The following C4BPB variants were observed in gnomAD, a reference collection of about 807,000 sequenced individuals.
C4BPB encodes the protein complement component 4 binding protein beta, also known as C4b-binding protein beta chain.
Under a neutral mutation model 26.6 loss-of-function variants are expected in C4BPB, and 19 were observed. The ratio of observed to expected loss-of-function variants is 0.71; its 90% CI spans 0.50 to 1.05. The LOEUF is 1.05. C4BPB is among the 50% of genes least tolerant of loss of function. The pLI is 0.00. For synonymous variants in C4BPB, 118 were observed against 103.5 expected (o/e 1.14, Z -0.85); for missense variants, 282 against 302.9 (o/e 0.93, Z 0.51).
In C4BPB at chr1:207,099,876, C is replaced by A; in HGVS notation, c.706C>A (p.Leu236Ile). ...GGAAAGTGGCATGACAATGGAGGAG[C>A]TAAAATATTCTCTGGAGCTGAAGAA... ...LKESGMTMEE[L>I]KYSLELKKAE... Residue 236 changes from leucine to isoleucine, a missense_variant, in exon 7 of 7, where the codon CTA (leucine) becomes ATA (isoleucine). Leu to Ile is a conservative substitution (Grantham distance 5). Transcript: ENST00000367078. 6.2e-7 allele frequency: 1 copy of A among 1,613,766 alleles called. No individual in the cohort carries two copies. The highest frequency in any genetic ancestry group is 8.5e-7 in the Non-Finnish European group (1 of 1,179,776).
rs1299322645 is a variant in C4BPB, at chr1:207,090,369, A to G, written c.120A>G (p.Glu40=). ...GCATATTTGTCGCAAAGGAGGTGGA[A>G]GGACAGATTCTGGGGACTTACGTTT... is the stretch of plus-strand genomic sequence containing the variant. ...DNSIFVAKEV[E]GQILGTYVCI... Residue 40 remains glutamate (E), a synonymous_variant, in exon 3 of 7, where the codon GAA becomes GAG. Coordinates refer to ENST00000367078, the MANE Select transcript of C4BPB (RefSeq NM_001017365.3). 6.2e-7 allele frequency: 1 copy of G among 1,614,038 alleles called. No homozygotes were observed. The highest frequency in any genetic ancestry group is 1.7e-5 in the Admixed American group (1 of 60,004).
At chr1:207,099,668 A>T in intron 6 of C4BPB, 121 bp from the exon 7 acceptor site, 1 of 702,230 alleles carries the variant, frequency 1.4e-6, no homozygotes, top group Non-Finnish European at 2.3e-6. Context: ...CCAAATCTTT[A>T]CTTAAGCTAG....
At chr1:207,097,905 A>G (rs1684322490) in intron 5 of C4BPB, 1 of 364,550 alleles carries the variant, frequency 2.7e-6, no homozygotes, top group Non-Finnish European at 5.0e-6. Context: ...CCTGATTCAG[A>G]ATTTCTCACT....
At chr1:207,089,447 A>C (rs1391964172) in intron 1 of C4BPB, 35 bp from the exon 2 acceptor site, 1 of 1,184,656 alleles carries the variant, frequency 8.4e-7, no homozygotes, top group Non-Finnish European at 1.3e-6. Context: ...GTTGGTCTTA[A>C]GCAGTGTTAG....
intron 4 of C4BPB, among the ~76,000 whole-genome samples, chr1:207,093,389 C>T (rs1470859589): frequency 5.3e-5 from 8 of 152,146 alleles, no homozygotes; most frequent in South Asian, 2.1e-4. Flanking sequence ...GAATACTTGC[C>T]GTATTAGATA....
intron 3 of C4BPB, 25 bp downstream of exon 3, chr1:207,090,506 T>A: frequency 1.3e-6 from 2 of 1,572,148 alleles, no homozygotes. Flanking sequence ...TCTGTATCTT[T>A]GCCCATATTG....
chr1:207,099,715 G>A (rs1684389942), intron 6 of C4BPB, 74 bp from the exon 7 acceptor site: 1 of 1,313,042 alleles, frequency 7.6e-7, no homozygotes. Flanking sequence ...GCTAACTGCT[G>A]CTCACTGGCT....
intron 4 of C4BPB, among the ~76,000 whole-genome samples, chr1:207,093,023 A>G (rs893547367): frequency 4.6e-5 from 7 of 152,242 alleles, no homozygotes; most frequent in African/African-American, 1.7e-4. Flanking sequence ...AAGAAAGTCT[A>G]CTAAAATATT....
At position 207,091,744 on chromosome 1, in the gene C4BPB, C is replaced by A. The variant is rs1684036200; in HGVS notation, c.333C>A (p.Tyr111Ter). The A allele has an allele frequency of 6.2e-7, 1 of 1,614,016 alleles. No individual in the cohort carries two copies. Residue 111 changes from tyrosine to a stop codon, truncating the protein, a stop_gained, in exon 4 of 7, where the codon TAC (tyrosine) becomes TAA (stop). Transcript: ENST00000367078. LOFTEE classifies it high-confidence loss of function. ...TCACGTTTATGTGCAATGACCACTA[C>A]ATCCTCAAGGGCAGCAATCGGAGCC... is the stretch of plus-strand genomic sequence containing the variant. ...DKITFMCNDH[Y>*]ILKGSNRSQC... is the part of the protein sequence containing the mutation.
chr1:207,091,756 C>T lies in C4BPB; in HGVS notation c.345C>T (p.Gly115=), dbSNP rs777244001. The change falls in exon 4 of 7, where the codon GGC becomes GGT. Residue 115 remains glycine (G), a synonymous_variant. Coordinates refer to ENST00000367078, the MANE Select transcript of C4BPB (RefSeq NM_001017365.3). Reference sequence around the variant, plus strand: ...GCAATGACCACTACATCCTCAAGGGCAGCAATCGGAGCCAGTGTCTAGAGG... The same window carrying T: ...GCAATGACCACTACATCCTCAAGGGTAGCAATCGGAGCCAGTGTCTAGAGG... ...FMCNDHYILK[G]SNRSQCLEDH... is the part of the protein sequence containing the mutation. 1 of 1,614,084 alleles carries T rather than the reference C, an allele frequency of 6.2e-7. No individual in the cohort carries two copies. The highest frequency in any genetic ancestry group is 1.1e-5 in the South Asian group (1 of 91,076).
chr1:207,091,563 C>G, intron 3 of C4BPB, 81 bp from the exon 4 acceptor site: 1 of 1,153,122 alleles, frequency 8.7e-7, no homozygotes, highest in Non-Finnish European at 1.3e-6. Flanking sequence ...TGTTTTCTCA[C>G]TGAAGACTGA....
rs762929016 is a variant in C4BPB, at chr1:207,089,542, G to C, written c.11G>C (p.Trp4Ser). 3 of 1,613,712 alleles carry C rather than the reference G, an allele frequency of 1.9e-6. No individual in the cohort carries two copies. The highest frequency in any genetic ancestry group is 3.3e-5 in the Admixed American group (2 of 59,970). Residue 4 changes from tryptophan (W) to serine (S), a missense_variant, in exon 2 of 7, where the codon TGG (tryptophan) becomes TCG (serine). Coordinates refer to ENST00000367078, the MANE Select transcript of C4BPB (RefSeq NM_001017365.3). MFFWCACCLMVAWR... is the reference protein window; with the variant it reads MFFSCACCLMVAWR... Reference sequence around the variant, plus strand: ...GACTTTGATCACCAGATGTTTTTTTGGTGTGCGTGCTGTCTTATGGTTGCG... The same window carrying C: ...GACTTTGATCACCAGATGTTTTTTTCGTGTGCGTGCTGTCTTATGGTTGCG...
intron 2 of C4BPB, 45 bp downstream of exon 2, chr1:207,089,634 CTTTTGCGGTG>C (rs1558074563): frequency 5.2e-6 from 8 of 1,547,958 alleles, no homozygotes; most frequent in Admixed American, 1.7e-5. Context: ...ATTTGGTGTC[CTTTTGCGGTG>C]TTTTGAGGAA....
intron 6 of C4BPB, among the ~76,000 whole-genome samples, chr1:207,099,445 G>C (rs1246212706): frequency 2.0e-5 from 3 of 152,206 alleles, no homozygotes; most frequent in African/African-American, 7.2e-5. Flanking sequence ...TGGCCCTGGG[G>C]TTGGGGATCC....
intron 3 of C4BPB, among the ~76,000 whole-genome samples, chr1:207,091,393 G>A (rs1684018658): frequency 6.6e-6 from 1 of 152,200 alleles, no homozygotes; most frequent in Non-Finnish European, 1.5e-5. Flanking sequence ...TCAGTTACGT[G>A]ATTAATTACT....
At chr1:207,096,676 A>G in intron 5 of C4BPB, 61 bp downstream of exon 5, 1 of 927,980 alleles carries the variant, frequency 1.1e-6, no homozygotes, top group African/African-American at 1.7e-5. Context: ...GTTTTGGGGA[A>G]TAACCCAGTC....
intron 3 of C4BPB, among the ~76,000 whole-genome samples, chr1:207,091,413 CA>C (rs1684019432): frequency 6.6e-6 from 1 of 152,116 alleles, no homozygotes; most frequent in Admixed American, 6.6e-5. Context: ...TTTCAGTTGC[CA>C]ATTCATGTTG....
At chr1:207,097,400 AC>A (rs377068735) in intron 5 of C4BPB, among the ~76,000 whole-genome samples, 232 of 151,928 alleles carry the variant, frequency 1.5e-3, no homozygotes, top group African/African-American at 5.2e-3. Context: ...TTTTGTAGAG[AC>A]AGGGTCTCCC....
chr1:207,098,114 G>A (rs1310211204), intron 5 of C4BPB, 36 bp from the exon 6 acceptor site: 9 of 1,531,838 alleles, frequency 5.9e-6, no homozygotes, highest in Non-Finnish European at 8.1e-6. Context: ...AATTCAGAAA[G>A]TGGAAAAGCT....
Sources: allele counts gnomAD v4.1 joint callset (sites outside exome capture counted in the v4.1 genomes callset), GRCh38; gene constraint gnomAD v4.1.1; transcripts MANE v1.5; gene names NCBI Gene and HGNC (gene_info 2026-07-23, HGNC 2026-07-21).